JRK: variants seen among roughly 807,000 people sequenced by gnomAD.
JRK encodes the protein Jrk helix-turn-helix protein.
For synonymous variants in JRK, 303 were observed against 218.1 expected (o/e 1.39, Z -3.43); for missense variants, 720 against 509.2 (o/e 1.41, Z -3.98).
At position 142,658,947 on chromosome 8, in the gene JRK, G is replaced by A; in HGVS notation, c.*5405C>T. ...ACATCCTCAAGGCCCACAGTCTCCT[G>A]AAACAACAGAACTTTGCTGCTTCAT... is the stretch of plus-strand genomic sequence containing the variant. On this transcript the variant is annotated 3_prime_UTR_variant, in exon 2 of 2. Coordinates refer to ENST00000612905, the MANE Select transcript of JRK (RefSeq NM_003724.4). The A allele has an allele frequency of 6.2e-7, 1 of 1,612,490 alleles. No homozygotes were observed.
chr8:142,660,120 G>A lies in JRK; in HGVS notation c.*4232C>T, dbSNP rs1409993883. On this transcript the variant is annotated 3_prime_UTR_variant, in exon 2 of 2. Transcript: ENST00000612905. ...TCTACAAGAGCTGGGCAGGGAAGAGGACAAACAAGGTCTCACAGGTCCATT... is the reference window on the plus strand; with the variant it reads ...TCTACAAGAGCTGGGCAGGGAAGAGAACAAACAAGGTCTCACAGGTCCATT... 6.1e-6 allele frequency: 6 copies of A among 985,466 alleles called. No individual in the cohort carries two copies. Among genetic ancestry groups the A allele is most frequent in the South Asian group, 9.4e-5 (2 of 21,296 alleles). 61.0% of individuals were successfully genotyped at this position (985,466 alleles called of 1,614,324 possible).
In JRK at chr8:142,665,764, C is replaced by T. The variant is rs781798543; in HGVS notation, c.295G>A (p.Gly99Arg). The T allele has an allele frequency of 1.3e-6, 1 of 776,732 alleles. No homozygotes were observed. The highest frequency in any genetic ancestry group is 1.3e-5 in the South Asian group (1 of 74,118). The allele number at this position is 776,732 out of a possible 1,614,324, so 48.1% of individuals were successfully genotyped here. A position where few individuals can be genotyped will look rare whatever the true frequency, so the allele number is the denominator to read the frequency against. The part of the protein sequence containing the change: ...LDRVLYEWFL[G>R]KRSEGVPVSG... ...ACGGGGACGCCCTCGGAGCGCTTCC[C>T]CAGGAACCACTCGTACAGGACGCGG... Residue 99 changes from glycine to arginine, a missense_variant, in exon 2 of 2, where the codon GGG becomes AGG. Physicochemically the swap from Gly to Arg is moderately radical, Grantham distance 125 (BLOSUM62 -2). Transcript: ENST00000612905.
Position 142,663,843 on chromosome 8 carries a change from C to T in JRK, c.*509G>A, listed in dbSNP as rs1846994874. ...TCCCAGCTCTCGGGCCATCGGACCT[C>T]AGGCAACCGTGCTCGGGGTCCACCC... On this transcript the variant is annotated 3_prime_UTR_variant, in exon 2 of 2. Coordinates refer to ENST00000612905, the MANE Select transcript of JRK (RefSeq NM_003724.4). 2 of 987,392 alleles carry T rather than the reference C, an allele frequency of 2.0e-6. No individual in the cohort carries two copies. The highest frequency in any genetic ancestry group is 2.3e-4 in the East Asian group (2 of 8,864). 61.2% of individuals were successfully genotyped at this position (987,392 alleles called of 1,614,324 possible).
chr8:142,669,191 T>TGC (rs1444820034), intron 1 of JRK, among the ~76,000 whole-genome samples: 1 of 72,196 alleles, frequency 1.4e-5, no homozygotes, highest in Non-Finnish European at 3.0e-5. Context: ...TGTGTGTGTG[T>TGC]GTGTGTGTGC....
chr8:142,649,891 A>T, the JRK span, among the ~76,000 whole-genome samples: 2 of 152,254 alleles, frequency 1.3e-5, no homozygotes, highest in African/African-American at 4.8e-5. Flanking sequence ...TAAACCCCAG[A>T]ATGGTAGATC....
At position 142,661,964 on chromosome 8, in the gene JRK, T is replaced by C. The variant is rs1212418331; in HGVS notation, c.*2388A>G. On this transcript the variant is annotated 3_prime_UTR_variant, in exon 2 of 2. Transcript: ENST00000612905. ...CCCAGCAGCTCAGAGATGAGTACGC[T>C]CTGGGCTCCCTAAAAACCTCACTCC... 5.1e-6 allele frequency: 5 copies of C among 985,314 alleles called. No individual in the cohort carries two copies. In the Admixed American group the frequency reaches 3.1e-4, roughly 61 times the overall value. The allele number at this position is 985,314 out of a possible 1,614,324, so 61.0% of individuals were successfully genotyped here. A position where few individuals can be genotyped will look rare whatever the true frequency, so the allele number is the denominator to read the frequency against.
the JRK span, among the ~76,000 whole-genome samples, chr8:142,649,894 G>T: frequency 0.035 from 5,347 of 152,326 alleles, 117 homozygotes; most frequent in Non-Finnish European, 0.053. Context: ...ACCCCAGAAT[G>T]GTAGATCCAC....
At chr8:142,653,262 A>T (rs1846696858), downstream of JRK, among the ~76,000 whole-genome samples, 1 of 152,222 alleles carries the variant, frequency 6.6e-6, no homozygotes, top group African/African-American at 2.4e-5. Context: ...AGGGGCCTGG[A>T]TTCTGCTAAG....
Position 142,662,899 on chromosome 8 carries a change from C to T in JRK, c.*1453G>A. 1.0e-6 allele frequency: 1 copy of T among 969,228 alleles called. No individual in the cohort carries two copies. Among genetic ancestry groups the T allele is most frequent in the Non-Finnish European group, 1.2e-6 (1 of 815,188 alleles). 60.0% of individuals were successfully genotyped at this position (969,228 alleles called of 1,614,324 possible). A position where few individuals can be genotyped will look rare whatever the true frequency, so the allele number is the denominator to read the frequency against. ...TTTAGGCCGAGTGCTGTGGCTCACA[C>T]CTGTAATCCCAGCACTTTAGAAGGA... On this transcript the variant is annotated 3_prime_UTR_variant, in exon 2 of 2. Coordinates refer to ENST00000612905, the MANE Select transcript of JRK (RefSeq NM_003724.4).
Position 142,664,943 on chromosome 8 carries a change from T to G in JRK, c.1116A>C (p.Ala372=), listed in dbSNP as rs587752321. The part of the protein sequence containing the change: ...AIFSVACAWN[A]VPSHVFRRAW... ...CCCGCCTGAAGACGTGGCTAGGGAC[T>G]GCGTTCCAGGCACAGGCCACGCTGA... The change falls in exon 2 of 2, where the codon GCA becomes GCC. Residue 372 remains alanine (A), a synonymous_variant. Transcript: ENST00000612905. The G allele has an allele frequency of 3.6e-6, 3 of 834,152 alleles. No homozygotes were observed. In the South Asian group the frequency reaches 4.1e-5, roughly 11 times the overall value. The allele number at this position is 834,152 out of a possible 1,614,324, so 51.7% of individuals were successfully genotyped here.
downstream of JRK, among the ~76,000 whole-genome samples, chr8:142,657,176 T>C (rs1554633794): frequency 6.6e-6 from 1 of 152,120 alleles, no homozygotes; most frequent in Non-Finnish European, 1.5e-5. Context: ...CTGGGCTGAC[T>C]TGCACTGCTA....
intron 1 of JRK, among the ~76,000 whole-genome samples, chr8:142,667,676 T>G (rs1466754485): frequency 6.6e-6 from 1 of 152,202 alleles, no homozygotes; most frequent in African/African-American, 2.4e-5. Context: ...ACGAAAAGCT[T>G]GCTTTTAAGT....
At chr8:142,669,131 G>C (rs1014801191) in intron 1 of JRK, among the ~76,000 whole-genome samples, 12 of 151,948 alleles carry the variant, frequency 7.9e-5, no homozygotes, top group Non-Finnish European at 1.8e-4. Context: ...GAAACGCGGG[G>C]GGAAAGCGGG....
chr8:142,644,891 G>C, the JRK span, among the ~76,000 whole-genome samples: 2 of 152,180 alleles, frequency 1.3e-5, no homozygotes, highest in African/African-American at 4.8e-5. Context: ...TAAGGAGTTA[G>C]TTAATGCTTC....
chr8:142,668,124 T>C (rs1847189460), intron 1 of JRK, among the ~76,000 whole-genome samples: 1 of 152,240 alleles, frequency 6.6e-6, no homozygotes, highest in Non-Finnish European at 1.5e-5. Context: ...TACTTGAGGA[T>C]GGACTCCTGG....
At chr8:142,667,766 A>C (rs1847177387) in intron 1 of JRK, among the ~76,000 whole-genome samples, 1 of 152,160 alleles carries the variant, frequency 6.6e-6, no homozygotes, top group Admixed American at 6.5e-5. Context: ...TTTCTGTTGG[A>C]GTTTTGAACT....
At position 142,658,917 on chromosome 8, in the gene JRK, C is replaced by T; in HGVS notation, c.*5435G>A. The T allele has an allele frequency of 6.2e-7, 1 of 1,613,558 alleles. No homozygotes were observed. The highest frequency in any genetic ancestry group is 8.5e-7 in the Non-Finnish European group (1 of 1,179,748). On this transcript the variant is annotated 3_prime_UTR_variant, in exon 2 of 2. Transcript: ENST00000612905. ...ATTGCCAACTCCTCTGGTGAGGTCA[C>T]TACCACATCCTCAAGGCCCACAGTC...
chr8:142,660,010 G>A lies in JRK; in HGVS notation c.*4342C>T. The A allele has an allele frequency of 1.0e-6, 1 of 985,928 alleles. No homozygotes were observed. The highest frequency in any genetic ancestry group is 1.2e-6 in the Non-Finnish European group (1 of 830,248). 61.1% of individuals were successfully genotyped at this position (985,928 alleles called of 1,614,324 possible). A position where few individuals can be genotyped will look rare whatever the true frequency, so the allele number is the denominator to read the frequency against. Reference sequence around the variant, plus strand: ...ACCACATGGGCAAAGGAGTGGGCGTGTGGGGCTGGGAGCTGGGGCTCATGT... The same window carrying A: ...ACCACATGGGCAAAGGAGTGGGCGTATGGGGCTGGGAGCTGGGGCTCATGT... On this transcript the variant is annotated 3_prime_UTR_variant, in exon 2 of 2. Coordinates refer to ENST00000612905, the MANE Select transcript of JRK (RefSeq NM_003724.4).
chr8:142,666,824 C>T (rs1385781309), intron 1 of JRK, among the ~76,000 whole-genome samples: 2 of 152,190 alleles, frequency 1.3e-5, no homozygotes, highest in South Asian at 2.1e-4. Flanking sequence ...CCTGGGGAAG[C>T]GCTCAGGCAG....
Sources: gnomAD v4.1 joint callset for allele counts (sites outside exome capture counted in the v4.1 genomes callset) on GRCh38, gnomAD v4.1.1 for gene constraint, MANE v1.5 for transcripts, NCBI Gene and HGNC (gene_info 2026-07-23, HGNC 2026-07-21) for gene names.